R3HDM1: variants seen among roughly 807,000 people sequenced by gnomAD.
The protein encoded by R3HDM1 is R3H domain containing 1.
A neutral mutation model predicts 141.1 loss-of-function variants in R3HDM1; 46 were observed. That is an observed-to-expected ratio of 0.33 (90% CI 0.26 to 0.42). R3HDM1 has a LOEUF of 0.42. Ranked by LOEUF, R3HDM1 falls within the 10% of genes least tolerant of loss-of-function variation. The pLI, the probability that R3HDM1 is intolerant of heterozygous loss-of-function variation, is 1.00. For missense variants in R3HDM1, 1,184 were observed against 1,368.3 expected, an observed-to-expected ratio of 0.87 and a Z score of 2.12; for synonymous variants, 435 against 472.9, an observed-to-expected ratio of 0.92 and a Z score of 1.04.
intron 18 of R3HDM1, among the ~76,000 whole-genome samples, chr2:135,655,360 C>T (rs1266007382): frequency 6.6e-6 from 1 of 152,158 alleles, no homozygotes; most frequent in Non-Finnish European, 1.5e-5. Flanking sequence ...GGGCTCTCAC[C>T]TTACCCCATT....
chr2:135,548,101 T>G lies in R3HDM1; in HGVS notation c.-250+16468T>G, dbSNP rs143459390. ...TCTTTTTTCTGACATCAGACTTGAT[T>G]GATGCATAGAATGCTAAGTACAGAA... On this transcript the variant is annotated intron_variant, in intron 1 of 26. Coordinates refer to ENST00000683871, the MANE Select transcript of R3HDM1 (RefSeq NM_001378107.1). Among the ~76,000 whole-genome samples, 452 of 152,308 alleles carry G rather than the reference T, an allele frequency of 3.0e-3. 3 individuals carry two copies. The highest frequency in any genetic ancestry group is 0.01 in the African/African-American group (421 of 41,576).
Position 135,631,879 on chromosome 2 carries a change from C to T in R3HDM1, c.576C>T (p.Phe192=). ...IGNNESPRKK[F]PPMTSYHRML... is the part of the protein sequence containing the mutation. ...CTTCTAGGTCTCCACGTAAAAAATT[C>T]CCCCCAATGACATCTTACCATAGGA... Residue 192 remains phenylalanine, a synonymous_variant, in exon 9 of 27, where the codon TTC becomes TTT. Coordinates refer to ENST00000683871, the MANE Select transcript of R3HDM1 (RefSeq NM_001378107.1). 1.2e-6 allele frequency: 2 copies of T among 1,608,168 alleles called. No homozygotes were observed. The highest frequency in any genetic ancestry group is 1.7e-6 in the Non-Finnish European group (2 of 1,177,372).
chr2:135,573,287 C>T (rs767246893), intron 1 of R3HDM1, among the ~76,000 whole-genome samples: 1 of 152,094 alleles, frequency 6.6e-6, no homozygotes, highest in Non-Finnish European at 1.5e-5. Context: ...GGACAAAAAT[C>T]TATACAGAAT....
intron 5 of R3HDM1, among the ~76,000 whole-genome samples, chr2:135,617,596 T>A (rs1463294666): frequency 6.6e-6 from 1 of 152,172 alleles, no homozygotes; most frequent in East Asian, 1.9e-4. Context: ...ACAGTGAGGT[T>A]TAGGCAAACC....
intron 7 of R3HDM1, among the ~76,000 whole-genome samples, chr2:135,628,465 T>TG (rs1222516738): frequency 1.3e-5 from 2 of 152,210 alleles, no homozygotes; most frequent in Admixed American, 6.5e-5. Flanking sequence ...ATTGTTAGAT[T>TG]CTGTTATTTC....
chr2:135,720,313 C>T (rs2076582662), intron 24 of R3HDM1, among the ~76,000 whole-genome samples: 1 of 152,186 alleles, frequency 6.6e-6, no homozygotes, highest in South Asian at 2.1e-4. Flanking sequence ...CCGGAAGGAG[C>T]CTTGTGGAAT....
At chr2:135,621,685 T>A in intron 6 of R3HDM1, 77 bp downstream of exon 6, 1 of 1,405,868 alleles carries the variant, frequency 7.1e-7, no homozygotes, top group South Asian at 1.7e-5. Context: ...TGAATAATTA[T>A]ATATAGTATA....
chr2:135,603,395 GATTTT>G (rs2059783453), intron 2 of R3HDM1, among the ~76,000 whole-genome samples: 1 of 152,080 alleles, frequency 6.6e-6, no homozygotes, highest in Non-Finnish European at 1.5e-5. Context: ...CCCGCCACAA[GATTTT>G]ATTACGAAAA....
intron 1 of R3HDM1, chr2:135,597,139 C>A: frequency 1.0e-6 from 1 of 977,804 alleles, no homozygotes; most frequent in Non-Finnish European, 1.2e-6. Context: ...TATTCTCTCT[C>A]ATTCTTCAAC....
intron 3 of R3HDM1, among the ~76,000 whole-genome samples, chr2:135,614,528 A>G (rs908259465): frequency 2.6e-5 from 4 of 152,248 alleles, no homozygotes; most frequent in African/African-American, 9.6e-5. Context: ...TTTTAGACAG[A>G]TAAAAGTAAA....
At chr2:135,712,062 CT>C (rs1399968552) in intron 23 of R3HDM1, among the ~76,000 whole-genome samples, 1 of 149,824 alleles carries the variant, frequency 6.7e-6, no homozygotes, top group Non-Finnish European at 1.5e-5. Flanking sequence ...GCTTTAAATA[CT>C]TCAGGAAAAA....
chr2:135,610,749 T>A (rs965381069), intron 3 of R3HDM1, among the ~76,000 whole-genome samples: 4 of 152,186 alleles, frequency 2.6e-5, no homozygotes, highest in Non-Finnish European at 5.9e-5. Context: ...AAGGACTGAA[T>A]AAAAGTCTCT....
chr2:135,706,997 G>A (rs1575160442), intron 21 of R3HDM1, among the ~76,000 whole-genome samples: 1 of 152,012 alleles, frequency 6.6e-6, no homozygotes, highest in Admixed American at 6.6e-5. Context: ...GCGGCTGGCC[G>A]GGCGGGGGGC....
rs1456987433 is a variant in R3HDM1 at position 135,574,293 on chromosome 2, A to G, written c.-249-28207A>G. On this transcript the variant is annotated intron_variant, in intron 1 of 26. Coordinates refer to ENST00000683871, the MANE Select transcript of R3HDM1 (RefSeq NM_001378107.1). ...TGAGTAATTTTCTAGGGAAATGCAT[A>G]TTACCAACATGGAGTTAGAGAAGTT... 3.9e-5 allele frequency among the ~76,000 whole-genome samples: 6 copies of G among 152,218 alleles called. No homozygotes were observed. In the East Asian group the frequency reaches 9.6e-4, roughly 24 times the overall value.
At position 135,581,398 on chromosome 2, in the gene R3HDM1, A is replaced by G. The variant is rs920725415; in HGVS notation, c.-249-21102A>G. 2.0e-5 allele frequency: 20 copies of G among 983,498 alleles called. No homozygotes were observed. The Admixed American group carries it at 6.2e-4, about 30-fold the overall frequency. 60.9% of individuals were successfully genotyped at this position (983,498 alleles called of 1,614,324 possible). A position where few individuals can be genotyped will look rare whatever the true frequency, so the allele number is the denominator to read the frequency against. On this transcript the variant is annotated intron_variant, in intron 1 of 26. Coordinates refer to ENST00000683871, the MANE Select transcript of R3HDM1 (RefSeq NM_001378107.1). ...TTAACGGTCTTGGTGCCTTATTTCT[A>G]TAATTATCTGTGTAGTCTTTGAGGC...
chr2:135,687,777 C>T (rs1331392474), intron 21 of R3HDM1, among the ~76,000 whole-genome samples: 2 of 152,150 alleles, frequency 1.3e-5, no homozygotes, highest in Non-Finnish European at 1.5e-5. Flanking sequence ...TTCAATGACA[C>T]TACCTTTTTG....
intron 11 of R3HDM1, among the ~76,000 whole-genome samples, chr2:135,637,404 C>T (rs1387680964): frequency 1.3e-5 from 2 of 152,112 alleles, no homozygotes; most frequent in Non-Finnish European, 2.9e-5. Flanking sequence ...CCTGTAATCC[C>T]ACCACTATGG....
intron 1 of R3HDM1, among the ~76,000 whole-genome samples, chr2:135,574,172 G>A (rs1023240337): frequency 3.3e-5 from 5 of 151,816 alleles, no homozygotes; most frequent in South Asian, 2.1e-4. Context: ...AAGATAAAGC[G>A]GTAAATAACC....
At chr2:135,682,167 CT>C (rs563033527) in intron 21 of R3HDM1, among the ~76,000 whole-genome samples, 106 of 151,132 alleles carry the variant, frequency 7.0e-4, no homozygotes, top group African/African-American at 2.5e-3. Flanking sequence ...GATTTATCTA[CT>C]TTTTGAACCA....
Sources: gnomAD v4.1 joint callset for allele counts (sites outside exome capture counted in the v4.1 genomes callset) on GRCh38, gnomAD v4.1.1 for gene constraint, MANE v1.5 for transcripts, NCBI Gene and HGNC (gene_info 2026-07-23, HGNC 2026-07-21) for gene names.